Variants in UGT1A5 observed in about 807,000 individuals in gnomAD.
UGT1A5 encodes the protein UDP glucuronosyltransferase family 1 member A5.
UGT1A5 carries 29 observed loss-of-function variants against 40.3 expected under a neutral mutation model. That is an observed-to-expected ratio of 0.72 (90% confidence interval 0.54 to 0.98). The LOEUF (loss-of-function observed/expected upper bound fraction) is 0.98. Ranked by LOEUF, UGT1A5 falls within the 50% of genes least tolerant of loss-of-function variation. The pLI, the probability that UGT1A5 is intolerant of heterozygous loss-of-function variation, is 0.00. For missense variants in UGT1A5, 678 were observed against 677.9 expected (o/e 1.00, Z 0.00); for synonymous variants, 257 against 262.5 (o/e 0.98, Z 0.20).
At chr2:233,723,514 A>ACC (rs1243846588) in intron 1 of UGT1A5, among the ~76,000 whole-genome samples, 21 of 107,656 alleles carry the variant, frequency 2.0e-4, no homozygotes, top group African/African-American at 9.0e-4. Flanking sequence ...CTGGTCAACA[A>ACC]TCTTTTTTTT....
intron 1 of UGT1A5, among the ~76,000 whole-genome samples, chr2:233,761,771 C>A (rs1035405620): frequency 6.6e-6 from 1 of 152,236 alleles, no homozygotes; most frequent in East Asian, 1.9e-4. Context: ...GTAGCATTCA[C>A]ATCCTCATCG....
intron 1 of UGT1A5, among the ~76,000 whole-genome samples, chr2:233,734,792 AG>A (rs1191669872): frequency 1.3e-5 from 2 of 152,190 alleles, no homozygotes; most frequent in African/African-American, 4.8e-5. Context: ...ATTCAGGAGC[AG>A]GTTGTTCAGT....
At chr2:233,759,132 G>T (rs532304308) in intron 1 of UGT1A5, among the ~76,000 whole-genome samples, 5 of 152,204 alleles carry the variant, frequency 3.3e-5, no homozygotes, top group African/African-American at 9.7e-5. Context: ...CCTCTGGTAC[G>T]CAATGAAGGT....
At chr2:233,753,608 G>C (rs980639486) in intron 1 of UGT1A5, 1 of 152,136 alleles carries the variant, frequency 6.6e-6, no homozygotes, top group Non-Finnish European at 1.5e-5. Flanking sequence ...TGCCCCAAAA[G>C]GTCTTCATTT....
At chr2:233,719,486 C>T (rs781372953) in intron 1 of UGT1A5, 4 of 1,614,016 alleles carry the variant, frequency 2.5e-6, no homozygotes, top group East Asian at 2.2e-5. Context: ...CCCTGTCCTA[C>T]ATTTGCCATA....
chr2:233,727,325 G>A (rs180717488), intron 1 of UGT1A5, among the ~76,000 whole-genome samples: 2 of 152,224 alleles, frequency 1.3e-5, no homozygotes, highest in Non-Finnish European at 1.5e-5. Flanking sequence ...CAGGCACCAG[G>A]AGCTCCTCCC....
At chr2:233,714,867 TTCTA>T (rs1314617320) in intron 1 of UGT1A5, among the ~76,000 whole-genome samples, 2 of 151,200 alleles carry the variant, frequency 1.3e-5, no homozygotes, top group African/African-American at 4.9e-5. Flanking sequence ...AAAACTAAAA[TTCTA>T]TCTTTTAAAT....
At chr2:233,749,455 A>C (rs1355144259) in intron 1 of UGT1A5, among the ~76,000 whole-genome samples, 1 of 151,860 alleles carries the variant, frequency 6.6e-6, no homozygotes, top group East Asian at 1.9e-4. Flanking sequence ...GAGCAGAACG[A>C]ATTGGGAACT....
intron 1 of UGT1A5, among the ~76,000 whole-genome samples, chr2:233,764,956 C>T (rs371892810): frequency 2.6e-5 from 4 of 152,042 alleles, no homozygotes; most frequent in Non-Finnish European, 5.9e-5. Context: ...AGAGAGGGCT[C>T]ACCTTGGGAG....
intron 1 of UGT1A5, among the ~76,000 whole-genome samples, chr2:233,766,739 C>T (rs1028534873): frequency 6.6e-6 from 1 of 152,120 alleles, no homozygotes; most frequent in East Asian, 1.9e-4. Context: ...TGTGTATGTA[C>T]AGGTGTGTGC....
chr2:233,725,805 C>A (rs2077476454), intron 1 of UGT1A5, among the ~76,000 whole-genome samples: 1 of 152,220 alleles, frequency 6.6e-6, no homozygotes, highest in Non-Finnish European at 1.5e-5. Context: ...TCCTTAAAAT[C>A]CATTTTATTG....
At chr2:233,749,562 T>C (rs541768746) in intron 1 of UGT1A5, among the ~76,000 whole-genome samples, 1 of 151,994 alleles carries the variant, frequency 6.6e-6, no homozygotes, top group Non-Finnish European at 1.5e-5. Context: ...ATGTATTCAA[T>C]AGTGAGGCCA....
At chr2:233,738,845 C>T (rs1366677682) in intron 1 of UGT1A5, 1 of 152,224 alleles carries the variant, frequency 6.6e-6, no homozygotes, top group Admixed American at 6.5e-5. Flanking sequence ...AAATGTTAAT[C>T]ACCAAGACAA....
chr2:233,736,836 A>T (rs1170480165), intron 1 of UGT1A5, among the ~76,000 whole-genome samples: 1 of 152,200 alleles, frequency 6.6e-6, no homozygotes, highest in Admixed American at 6.5e-5. Context: ...TTGCTTTGGT[A>T]TCACCAGTGG....
chr2:233,718,990 A>T (rs772339197), intron 1 of UGT1A5: 1 of 1,614,266 alleles, frequency 6.2e-7, no homozygotes, highest in Non-Finnish European at 8.5e-7. Flanking sequence ...AGAGGCCACC[A>T]GGCGGTGGTC....
intron 1 of UGT1A5, among the ~76,000 whole-genome samples, chr2:233,753,936 A>C (rs545743741): frequency 2.6e-5 from 4 of 152,192 alleles, no homozygotes; most frequent in Non-Finnish European, 5.9e-5. Flanking sequence ...ATGGGATTCA[A>C]ATGTATGACC....
At chr2:233,746,697 A>G (rs1693455555) in intron 1 of UGT1A5, among the ~76,000 whole-genome samples, 1 of 151,702 alleles carries the variant, frequency 6.6e-6, no homozygotes, top group African/African-American at 2.4e-5. Context: ...CATTCCATAA[A>G]TATTTGGTGG....
rs1248862284 is a variant in UGT1A5, at chr2:233,768,128, C to G, written c.1088-92C>G. On this transcript the variant is annotated intron_variant, in intron 3 of 4. Transcript: ENST00000373414. ...TTTCTGCAAGGGCATGTGAGTAACA[C>G]TGAGTCTTTGGAGTGTTTTCAGAAC... 5 of 1,605,354 alleles carry G rather than the reference C, an allele frequency of 3.1e-6. No homozygotes were observed. In the East Asian group the frequency reaches 1.1e-4, roughly 36 times the overall value.
chr2:233,718,368 T>C (rs1366364618), intron 1 of UGT1A5, among the ~76,000 whole-genome samples: 1 of 152,222 alleles, frequency 6.6e-6, no homozygotes, highest in African/African-American at 2.4e-5. Context: ...TATTCACATA[T>C]GAGAAGAAAG....
Sources: allele counts gnomAD v4.1 joint callset (sites outside exome capture counted in the v4.1 genomes callset), GRCh38; gene constraint gnomAD v4.1.1; transcripts MANE v1.5; gene names NCBI Gene and HGNC (gene_info 2026-07-23, HGNC 2026-07-21).